Variants in LUZP2 observed in about 807,000 individuals in gnomAD.
The protein encoded by LUZP2 is leucine zipper protein 2.
Under a neutral mutation model 51.6 loss-of-function variants are expected in LUZP2, and 52 were observed. That is an observed-to-expected ratio of 1.01 (90% CI 0.81 to 1.27). The LOEUF is 1.27. Among genes scored for constraint, LUZP2 ranks in the 50% most tolerant of loss-of-function variants. The pLI is 0.00. For synonymous variants in LUZP2, 154 were observed against 137.3 expected, an observed-to-expected ratio of 1.12 and a Z score of -0.85; for missense variants, 436 against 395.4, an observed-to-expected ratio of 1.10 and a Z score of -0.87.
intron 1 of LUZP2, among the ~76,000 whole-genome samples, chr11:24,550,711 C>G (rs894980386): frequency 6.6e-6 from 1 of 152,040 alleles, no homozygotes; most frequent in African/African-American, 2.4e-5. Flanking sequence ...CACTCTTTTT[C>G]TTGTTGTCTA....
chr11:24,566,231 A>G (rs1157343766), intron 1 of LUZP2, among the ~76,000 whole-genome samples: 1 of 149,824 alleles, frequency 6.7e-6, no homozygotes, highest in Admixed American at 6.6e-5. Flanking sequence ...TAAAAAATTA[A>G]AGAATAGTAT....
intron 9 of LUZP2, among the ~76,000 whole-genome samples, chr11:24,986,940 A>T (rs1856205497): frequency 6.6e-6 from 1 of 151,962 alleles, no homozygotes; most frequent in Non-Finnish European, 1.5e-5. Context: ...GGTAGGATTC[A>T]TTAGTCAGAC....
At chr11:24,723,571 A>C (rs559350682) in intron 1 of LUZP2, among the ~76,000 whole-genome samples, 57 of 152,352 alleles carry the variant, frequency 3.7e-4, no homozygotes, top group African/African-American at 1.3e-3. Flanking sequence ...CATGCCTATA[A>C]TCCCAGCACT....
chr11:24,931,862 G>T (rs1360925774), intron 7 of LUZP2, among the ~76,000 whole-genome samples: 1 of 151,940 alleles, frequency 6.6e-6, no homozygotes, highest in African/African-American at 2.4e-5. Context: ...GTTTGTTTTT[G>T]TTTTTTCTTT....
chr11:24,934,724 T>G lies in LUZP2; in HGVS notation c.522+20186T>G, dbSNP rs189212938. On this transcript the variant is annotated intron_variant, in intron 7 of 11. Transcript: ENST00000336930. ...TTTGTGTTTCCCCAATCTGACACGCTGTGCCTATTTCAGACCTTGCTAATA... is the reference window on the plus strand; with the variant it reads ...TTTGTGTTTCCCCAATCTGACACGCGGTGCCTATTTCAGACCTTGCTAATA... Among the ~76,000 whole-genome samples, 1,015 of 152,328 alleles carry G rather than the reference T, an allele frequency of 6.7e-3. 6 individuals are homozygous for G. The highest frequency in any genetic ancestry group is 0.019 in the African/African-American group (789 of 41,588).
intron 1 of LUZP2, among the ~76,000 whole-genome samples, chr11:24,718,900 C>T (rs1211597525): frequency 1.3e-5 from 2 of 152,138 alleles, no homozygotes; most frequent in Non-Finnish European, 2.9e-5. Context: ...TCAGGGAATT[C>T]ATTTTAATCT....
At chr11:24,560,926 A>G (rs1017995547) in intron 1 of LUZP2, among the ~76,000 whole-genome samples, 1 of 152,192 alleles carries the variant, frequency 6.6e-6, no homozygotes, top group Non-Finnish European at 1.5e-5. Flanking sequence ...AAAACTGGTA[A>G]GAGTATTCCC....
intron 8 of LUZP2, among the ~76,000 whole-genome samples, chr11:24,980,792 A>G (rs1295904311): frequency 6.6e-6 from 1 of 151,660 alleles, no homozygotes; most frequent in African/African-American, 2.4e-5. Context: ...CAGTTTCTAT[A>G]TGGGTATTTG....
intron 4 of LUZP2, chr11:24,762,907 A>G (rs2134032272): frequency 1.3e-6 from 1 of 781,706 alleles, no homozygotes; most frequent in East Asian, 1.3e-4. Flanking sequence ...CCTAGGTTCA[A>G]CTCTAGAATC....
intron 1 of LUZP2, among the ~76,000 whole-genome samples, chr11:24,645,922 A>G (rs1325598979): frequency 6.6e-6 from 1 of 151,958 alleles, no homozygotes; most frequent in Non-Finnish European, 1.5e-5. Flanking sequence ...ATCCTTGTGG[A>G]ATCAAATAGG....
At chr11:24,782,216 A>C (rs2134076351) in intron 5 of LUZP2, among the ~76,000 whole-genome samples, 1 of 152,190 alleles carries the variant, frequency 6.6e-6, no homozygotes. Flanking sequence ...TGACTGAGTA[A>C]CTTTAAAGTG....
chr11:25,049,958 C>A, intron 9 of LUZP2, 80 bp from the exon 10 acceptor site: 1 of 695,120 alleles, frequency 1.4e-6, no homozygotes, highest in Non-Finnish European at 2.3e-6. Context: ...TACAATAAAA[C>A]GATTTGGATC....
intron 5 of LUZP2, among the ~76,000 whole-genome samples, chr11:24,780,431 A>T (rs1590512626): frequency 6.6e-6 from 1 of 152,280 alleles, no homozygotes; most frequent in Non-Finnish European, 1.5e-5. Flanking sequence ...TGTGTGGAAA[A>T]GACCTCTTAA....
chr11:24,681,559 C>G (rs572524906), intron 1 of LUZP2, among the ~76,000 whole-genome samples: 1 of 152,270 alleles, frequency 6.6e-6, no homozygotes, highest in African/African-American at 2.4e-5. Context: ...TTCAGTATCA[C>G]ATATTGGTAA....
At chr11:24,897,178 C>T (rs1853093576) in intron 5 of LUZP2, among the ~76,000 whole-genome samples, 1 of 103,090 alleles carries the variant, frequency 9.7e-6, no homozygotes, top group South Asian at 3.0e-4. Context: ...TGTAAACACA[C>T]CAATCACACT....
chr11:24,697,341 G>T (rs558643125), intron 1 of LUZP2, among the ~76,000 whole-genome samples: 2 of 152,206 alleles, frequency 1.3e-5, no homozygotes, highest in East Asian at 3.9e-4. Flanking sequence ...GCTTTAAAAA[G>T]TTTGTAGAAA....
At chr11:25,024,921 C>G (rs1362111739) in intron 9 of LUZP2, among the ~76,000 whole-genome samples, 1 of 150,064 alleles carries the variant, frequency 6.7e-6, no homozygotes, top group East Asian at 1.9e-4. Context: ...ATAACCAAAA[C>G]AGCATGGTAC....
intron 7 of LUZP2, among the ~76,000 whole-genome samples, chr11:24,975,852 A>G (rs11600296): frequency 0.41 from 62,211 of 151,770 alleles, 13,927 homozygotes; most frequent in Non-Finnish European, 0.49. Flanking sequence ...TGGGATTAAA[A>G]CACAACAACA....
At chr11:24,963,441 T>G (rs1855480793) in intron 7 of LUZP2, among the ~76,000 whole-genome samples, 1 of 152,190 alleles carries the variant, frequency 6.6e-6, no homozygotes, top group African/African-American at 2.4e-5. Flanking sequence ...CCCGGCTGCT[T>G]TGTTTACCTA....
Sources: allele counts gnomAD v4.1 joint callset (sites outside exome capture counted in the v4.1 genomes callset), GRCh38; gene constraint gnomAD v4.1.1; transcripts MANE v1.5; gene names NCBI Gene and HGNC (gene_info 2026-07-23, HGNC 2026-07-21).